The following KLHL9 variants were observed in gnomAD, a reference collection of about 807,000 sequenced individuals.
KLHL9 encodes the protein kelch like family member 9.
A neutral mutation model predicts 42.3 loss-of-function variants in KLHL9; 27 were observed. The observed-to-expected ratio is 0.64, with a 90% CI of 0.47 to 0.88. KLHL9 has a LOEUF of 0.88. KLHL9 is among the 40% of genes least tolerant of loss of function. The pLI is 0.00. For synonymous variants in KLHL9, 274 were observed against 254.4 expected, an observed-to-expected ratio of 1.08 and a Z score of -0.73; for missense variants, 629 against 750.3, an observed-to-expected ratio of 0.84 and a Z score of 1.89.
Position 21,334,311 on chromosome 9 carries a change from A to G in KLHL9, c.549T>C (p.Ala183=). The G allele has an allele frequency of 6.2e-7, 1 of 1,614,146 alleles. No individual in the cohort carries two copies. The highest frequency in any genetic ancestry group is 8.5e-7 in the Non-Finnish European group (1 of 1,179,980). The part of the protein sequence containing the change: ...VNNFILKNFP[A]LLSTGEFLKL... ...TTAGAAACTCCCCAGTACTCAATAA[A>G]GCAGGAAAGTTCTTCAGGATGAAAT... The change falls in exon 1 of 1, where the codon GCT becomes GCC. Residue 183 remains alanine (A), a synonymous_variant. Transcript: ENST00000359039. This position sits in a 1 kb window ranked among gnomAD's most constrained non-coding sequence, Gnocchi z 5.1.
chr9:21,335,014 G>C lies in KLHL9; in HGVS notation c.-155C>G. Reference sequence around the variant, plus strand: ...GGCACCCCTCGGGCCACGCCAGTCAGTCATCCACTGAAAATCACCCTGTAG... The same window carrying C: ...GGCACCCCTCGGGCCACGCCAGTCACTCATCCACTGAAAATCACCCTGTAG... On this transcript the variant is annotated 5_prime_UTR_variant, in exon 1 of 1. Transcript: ENST00000359039. 1 of 1,006,076 alleles carries C rather than the reference G, an allele frequency of 9.9e-7. No individual in the cohort carries two copies. Among genetic ancestry groups the C allele is most frequent in the Non-Finnish European group, 1.4e-6 (1 of 697,376 alleles). The allele number at this position is 1,006,076 out of a possible 1,614,324, so 62.3% of individuals were successfully genotyped here. A position where few individuals can be genotyped will look rare whatever the true frequency, so the allele number is the denominator to read the frequency against.
At position 21,334,231 on chromosome 9, in the gene KLHL9, C is replaced by A; in HGVS notation, c.629G>T (p.Cys210Phe). ...FVLSSNSLKH[C>F]TELELFKAAC... is the part of the protein sequence containing the mutation. ...TGCCTTAAAGAGTTCAAGTTCGGTACAGTGCTTAAGACTATTACTGGAAAG... is the reference window on the plus strand; with the variant it reads ...TGCCTTAAAGAGTTCAAGTTCGGTAAAGTGCTTAAGACTATTACTGGAAAG... The change falls in exon 1 of 1, where the codon TGT (cysteine) becomes TTT (phenylalanine). Residue 210 changes from cysteine (C) to phenylalanine (F), a missense_variant. By Grantham distance (205) the Cys-to-Phe change is radical. This residue lies in a region of KLHL9 where 351 missense variants were observed against 363.1 expected (regional missense o/e 0.97). Coordinates refer to ENST00000359039, the MANE Select transcript of KLHL9 (RefSeq NM_018847.4). This position sits in a 1 kb window ranked among gnomAD's most constrained non-coding sequence, Gnocchi z 5.1. 1 of 1,614,120 alleles carries A rather than the reference C, an allele frequency of 6.2e-7. No individual in the cohort carries two copies. Among genetic ancestry groups the A allele is most frequent in the Non-Finnish European group, 8.5e-7 (1 of 1,179,982 alleles).
Position 21,334,424 on chromosome 9 carries a change from T to C in KLHL9, c.436A>G (p.Ile146Val), listed in dbSNP as rs763989941. The C allele has an allele frequency of 2.1e-5, 34 of 1,613,918 alleles. No individual in the cohort carries two copies. Among genetic ancestry groups the C allele is most frequent in the East Asian group, 4.5e-5 (2 of 44,896 alleles). The part of the protein sequence containing the change: ...PVLDFCKVFL[I>V]SGVSLDNCVE... ...CAGTTATCCAAAGAGACTCCTGATA[T>C]AAGAAATACTTTACAGAAATCCAAA... The change falls in exon 1 of 1, where the codon ATA becomes GTA. Residue 146 changes from isoleucine (I) to valine (V), a missense_variant. By Grantham distance (29) the Ile-to-Val change is conservative. This residue lies in a region of KLHL9 where 351 missense variants were observed against 363.1 expected (regional missense o/e 0.97). Transcript: ENST00000359039. The surrounding 1 kb of genome is among the most constrained non-coding windows in gnomAD (Gnocchi z 5.1).
At position 21,332,664 on chromosome 9, in the gene KLHL9, G is replaced by C. The variant is rs946787714; in HGVS notation, c.*342C>G. ...CCTTTCGTTATTTTTAGTTTAGAGC[G>C]GCCTCCCTCTGACATTTTGGAGTCA... is the stretch of plus-strand genomic sequence containing the variant. On this transcript the variant is annotated 3_prime_UTR_variant, in exon 1 of 1. Coordinates refer to ENST00000359039, the MANE Select transcript of KLHL9 (RefSeq NM_018847.4). 1 of 226,556 alleles carries C rather than the reference G, an allele frequency of 4.4e-6. No homozygotes were observed. Among genetic ancestry groups the C allele is most frequent in the South Asian group, 8.9e-5 (1 of 11,272 alleles). 14.0% of individuals were successfully genotyped at this position (226,556 alleles called of 1,614,324 possible). A position where few individuals can be genotyped will look rare whatever the true frequency, so the allele number is the denominator to read the frequency against.
In KLHL9 at chr9:21,329,930, G is replaced by C. The variant is rs781001390; in HGVS notation, c.*3076C>G. On this transcript the variant is annotated 3_prime_UTR_variant, in exon 1 of 1. Coordinates refer to ENST00000359039, the MANE Select transcript of KLHL9 (RefSeq NM_018847.4). The stretch of plus-strand genomic sequence containing the variant: ...TTTCCGAAAAACTAAAACAAGAAAT[G>C]TTAACATAATGCTTTATGTGCTTTT... 1.4e-4 allele frequency: 21 copies of C among 152,152 alleles called. No homozygotes were observed. The highest frequency in any genetic ancestry group is 2.6e-4 in the Admixed American group (4 of 15,294). The allele number at this position is 152,152 out of a possible 1,614,324, so 9.4% of individuals were successfully genotyped here.
At position 21,330,163 on chromosome 9, in the gene KLHL9, T is replaced by C. The variant is rs896069845; in HGVS notation, c.*2843A>G. 1.3e-5 allele frequency: 2 copies of C among 152,218 alleles called. No homozygotes were observed. Among genetic ancestry groups the C allele is most frequent in the Admixed American group, 1.3e-4 (2 of 15,282 alleles). The allele number at this position is 152,218 out of a possible 1,614,324, so 9.4% of individuals were successfully genotyped here. On this transcript the variant is annotated 3_prime_UTR_variant, in exon 1 of 1. Coordinates refer to ENST00000359039, the MANE Select transcript of KLHL9 (RefSeq NM_018847.4). Reference sequence around the variant, plus strand: ...TGTTTTGGATTTTGGAATATTTGCATGTACATGACGTATCCTGGGGGAGGG... The same window carrying C: ...TGTTTTGGATTTTGGAATATTTGCACGTACATGACGTATCCTGGGGGAGGG...
rs530812402 is a variant in KLHL9 at position 21,330,574 on chromosome 9, A to C, written c.*2432T>G. ...ATAGAGCAGTTTACCTAGTAAAGCAATACTTATTTCAATAGGAAGCACCAG... is the reference window on the plus strand; with the variant it reads ...ATAGAGCAGTTTACCTAGTAAAGCACTACTTATTTCAATAGGAAGCACCAG... On this transcript the variant is annotated 3_prime_UTR_variant, in exon 1 of 1. Transcript: ENST00000359039. 60 of 152,312 alleles carry C rather than the reference A, an allele frequency of 3.9e-4. No individual in the cohort carries two copies. Among genetic ancestry groups the C allele is most frequent in the African/African-American group, 1.4e-3 (60 of 41,556 alleles). The allele number at this position is 152,312 out of a possible 1,614,324, so 9.4% of individuals were successfully genotyped here. A position where few individuals can be genotyped will look rare whatever the true frequency, so the allele number is the denominator to read the frequency against.
In KLHL9 at chr9:21,332,572, C is replaced by T. The variant is rs894077505; in HGVS notation, c.*434G>A. On this transcript the variant is annotated 3_prime_UTR_variant, in exon 1 of 1. Transcript: ENST00000359039. Reference sequence around the variant, plus strand: ...AATATTCTGAATGCAACCACACAATCGAGTAAGTTGACAGACATGACAAAA... The same window carrying T: ...AATATTCTGAATGCAACCACACAATTGAGTAAGTTGACAGACATGACAAAA... 1.8e-5 allele frequency: 3 copies of T among 166,146 alleles called. No individual in the cohort carries two copies. Among genetic ancestry groups the T allele is most frequent in the East Asian group, 1.7e-4 (1 of 5,888 alleles). 10.3% of individuals were successfully genotyped at this position (166,146 alleles called of 1,614,324 possible). A position where few individuals can be genotyped will look rare whatever the true frequency, so the allele number is the denominator to read the frequency against.
In KLHL9 at chr9:21,330,302, CTG is replaced by C. The variant is rs1820147023; in HGVS notation, c.*2702_*2703del. ...ATGTTGTGCATGAAACAAGTCTTCA[CTG>C]TGTTTTGAGTGTAACCTGTCACATG... is the stretch of plus-strand genomic sequence containing the variant. On this transcript the variant is annotated 3_prime_UTR_variant, in exon 1 of 1. Coordinates refer to ENST00000359039, the MANE Select transcript of KLHL9 (RefSeq NM_018847.4). 1.3e-5 allele frequency: 2 copies of C among 152,294 alleles called. No individual in the cohort carries two copies. The highest frequency in any genetic ancestry group is 1.3e-4 in the Admixed American group (2 of 15,290). 9.4% of individuals were successfully genotyped at this position (152,294 alleles called of 1,614,324 possible). A position where few individuals can be genotyped will look rare whatever the true frequency, so the allele number is the denominator to read the frequency against.
In KLHL9 at chr9:21,333,010, G is replaced by A. The variant is rs1191148780; in HGVS notation, c.1850C>T (p.Ser617Phe). ...ESPLSAPSDH[S>F] ...CAAAGGTGTTACACCTTAGACCTAA[G>A]AATGATCTGAAGGTGCTGAAAGAGG... Residue 617 changes from serine to phenylalanine, a missense_variant, in exon 1 of 1, where the codon TCT (serine) becomes TTT (phenylalanine). Ser to Phe is a radical substitution (Grantham distance 155, BLOSUM62 -2). This residue lies in a region of KLHL9 where 61 missense variants were observed against 63.5 expected (regional missense o/e 0.96). Transcript: ENST00000359039. This position sits in a 1 kb window ranked among gnomAD's most constrained non-coding sequence, Gnocchi z 7.5. 1.2e-6 allele frequency: 2 copies of A among 1,613,940 alleles called. No individual in the cohort carries two copies. The highest frequency in any genetic ancestry group is 8.5e-7 in the Non-Finnish European group (1 of 1,179,818).
In KLHL9 at chr9:21,335,379, C is replaced by T. The variant is rs1323882095; in HGVS notation, c.-520G>A. 1 of 412,420 alleles carries T rather than the reference C, an allele frequency of 2.4e-6. No homozygotes were observed. Among genetic ancestry groups the T allele is most frequent in the East Asian group, 3.6e-5 (1 of 28,008 alleles). The allele number at this position is 412,420 out of a possible 1,614,324, so 25.5% of individuals were successfully genotyped here. A position where few individuals can be genotyped will look rare whatever the true frequency, so the allele number is the denominator to read the frequency against. On this transcript the variant is annotated 5_prime_UTR_variant, in exon 1 of 1. Transcript: ENST00000359039. ...TAGCCCCAACACCGAGCCGCTCCTTCCGGAAAAGCCTAGTCCCAGGATACC... is the reference window on the plus strand; with the variant it reads ...TAGCCCCAACACCGAGCCGCTCCTTTCGGAAAAGCCTAGTCCCAGGATACC...
Position 21,334,201 on chromosome 9 carries a change from C to T in KLHL9, c.659G>A (p.Cys220Tyr). ...AGGGTCTTCCAACCTTAGCCAGCGA[C>T]AGGCTGCCTTAAAGAGTTCAAGTTC... ...CTELELFKAACRWLRLEDPRM... is the reference protein window; with the variant it reads ...CTELELFKAAYRWLRLEDPRM... Residue 220 changes from cysteine (C) to tyrosine (Y), a missense_variant, in exon 1 of 1, where the codon TGT (cysteine) becomes TAT (tyrosine). This residue lies in a region of KLHL9 where 351 missense variants were observed against 363.1 expected (regional missense o/e 0.97). Transcript: ENST00000359039. This position sits in a 1 kb window ranked among gnomAD's most constrained non-coding sequence, Gnocchi z 5.1. The T allele has an allele frequency of 6.2e-7, 1 of 1,614,218 alleles. No homozygotes were observed. The highest frequency in any genetic ancestry group is 8.5e-7 in the Non-Finnish European group (1 of 1,180,036).
At position 21,335,396 on chromosome 9, in the gene KLHL9, C is replaced by A; in HGVS notation, c.-537G>T. 2.7e-6 allele frequency: 1 copy of A among 370,792 alleles called. No homozygotes were observed. The highest frequency in any genetic ancestry group is 1.4e-4 in the South Asian group (1 of 7,086). 23.0% of individuals were successfully genotyped at this position (370,792 alleles called of 1,614,324 possible). On this transcript the variant is annotated 5_prime_UTR_variant, in exon 1 of 1. Coordinates refer to ENST00000359039, the MANE Select transcript of KLHL9 (RefSeq NM_018847.4). The stretch of plus-strand genomic sequence containing the variant: ...CGCTCCTTCCGGAAAAGCCTAGTCC[C>A]AGGATACCACGGGGTGGGAGCGGCC...
chr9:21,331,584 T>G lies in KLHL9; in HGVS notation c.*1422A>C, dbSNP rs1820172429. ...ATTCCAGGAAAGTACCTCTTCAGAA[T>G]CACTCATTACAGAGAATTCCTGTAA... is the stretch of plus-strand genomic sequence containing the variant. On this transcript the variant is annotated 3_prime_UTR_variant, in exon 1 of 1. Transcript: ENST00000359039. The G allele has an allele frequency of 1.3e-5, 2 of 152,100 alleles. No individual in the cohort carries two copies. Among genetic ancestry groups the G allele is most frequent in the African/African-American group, 4.8e-5 (2 of 41,408 alleles). 9.4% of individuals were successfully genotyped at this position (152,100 alleles called of 1,614,324 possible). A position where few individuals can be genotyped will look rare whatever the true frequency, so the allele number is the denominator to read the frequency against.
rs1252126968 is a variant in KLHL9, at chr9:21,333,149, T to C, written c.1711A>G (p.Lys571Glu). 6.2e-7 allele frequency: 1 copy of C among 1,614,200 alleles called. No individual in the cohort carries two copies. Among genetic ancestry groups the C allele is most frequent in the Non-Finnish European group, 8.5e-7 (1 of 1,180,028 alleles). Residue 571 changes from lysine (K) to glutamate (E), a missense_variant, in exon 1 of 1, where the codon AAA becomes GAA. Transcript: ENST00000359039. The surrounding 1 kb of genome is among the most constrained non-coding windows in gnomAD (Gnocchi z 7.5). ...VEIVQKYDPE[K>E]DEWHKVFDLP... ...TCAAAAACTTTATGCCACTCATCTT[T>C]TTCTGGGTCATATTTCTGGACAATT... is the stretch of plus-strand genomic sequence containing the variant.
At position 21,333,624 on chromosome 9, in the gene KLHL9, T is replaced by C; in HGVS notation, c.1236A>G (p.Glu412=). 2 of 1,614,202 alleles carry C rather than the reference T, an allele frequency of 1.2e-6. No individual in the cohort carries two copies. Among genetic ancestry groups the C allele is most frequent in the Non-Finnish European group, 1.7e-6 (2 of 1,180,040 alleles). ...GGTTGTAACATTCTACTGTGGCCAG[T>C]TCACCAGCTGCACTGCGCCCACCAA... ...YAVGGRSAAG[E]LATVECYNPR... The change falls in exon 1 of 1, where the codon GAA becomes GAG. Residue 412 remains glutamate (E), a synonymous_variant. Transcript: ENST00000359039. This position sits in a 1 kb window ranked among gnomAD's most constrained non-coding sequence, Gnocchi z 7.5.
rs1820250367 is a variant in KLHL9, at chr9:21,335,246, C to T, written c.-387G>A. 4.2e-6 allele frequency: 2 copies of T among 480,938 alleles called. No individual in the cohort carries two copies. Among genetic ancestry groups the T allele is most frequent in the Admixed American group, 3.8e-5 (1 of 26,334 alleles). 29.8% of individuals were successfully genotyped at this position (480,938 alleles called of 1,614,324 possible). On this transcript the variant is annotated 5_prime_UTR_variant, in exon 1 of 1. Transcript: ENST00000359039. The stretch of plus-strand genomic sequence containing the variant: ...GGTCCGGACACCTCAGCGAACGGCC[C>T]GCTGCGCCCTCCGCTGTACCTAGAG...
rs922232491 is a variant in KLHL9 at position 21,335,179 on chromosome 9, G to A, written c.-320C>T. 1.9e-6 allele frequency: 1 copy of A among 515,718 alleles called. No homozygotes were observed. Among genetic ancestry groups the A allele is most frequent in the African/African-American group, 1.9e-5 (1 of 51,326 alleles). The allele number at this position is 515,718 out of a possible 1,614,324, so 31.9% of individuals were successfully genotyped here. On this transcript the variant is annotated 5_prime_UTR_variant, in exon 1 of 1. Coordinates refer to ENST00000359039, the MANE Select transcript of KLHL9 (RefSeq NM_018847.4). ...GCAGTTCCGCTTCGGGCAAGGAAGA[G>A]GCGCCGCCACGTACTGTGGCTCCAC...
Position 21,332,990 on chromosome 9 carries a change from G to T in KLHL9, c.*16C>A, listed in dbSNP as rs373813393. 3 of 1,613,994 alleles carry T rather than the reference G, an allele frequency of 1.9e-6. No homozygotes were observed. Among genetic ancestry groups the T allele is most frequent in the South Asian group, 1.1e-5 (1 of 91,080 alleles). On this transcript the variant is annotated 3_prime_UTR_variant, in exon 1 of 1. Transcript: ENST00000359039. ...AGATCACCCATGACGTACTGCAAAG[G>T]TGTTACACCTTAGACCTAAGAATGA... is the stretch of plus-strand genomic sequence containing the variant.
Sources: gnomAD v4.1 joint callset for allele counts on GRCh38, gnomAD v4.1.1 for gene constraint, gnomAD v4.1.1 regional missense constraint, Gnocchi (gnomAD v3.1) non-coding constraint, MANE v1.5 for transcripts, NCBI Gene and HGNC (gene_info 2026-07-23, HGNC 2026-07-21) for gene names.